SERINC2: variants seen among roughly 807,000 people sequenced by gnomAD.
The protein encoded by SERINC2 is serine incorporator 2, also known as tumor differentially expressed protein 2.
A neutral mutation model predicts 54.2 loss-of-function variants in SERINC2; 56 were observed. The ratio of observed to expected loss-of-function variants is 1.03; its 90% CI spans 0.83 to 1.29. The LOEUF (loss-of-function observed/expected upper bound fraction) is 1.29. Ranked by LOEUF, SERINC2 falls within the 50% of genes most tolerant of loss-of-function variation. The probability of loss-of-function intolerance (pLI) is 0.00; values close to 1 mark genes in which losing one functional copy is unlikely to be tolerated. For synonymous variants in SERINC2, 272 were observed against 253.1 expected, an observed-to-expected ratio of 1.07 and a Z score of -0.71; for missense variants, 614 against 607.4, an observed-to-expected ratio of 1.01 and a Z score of -0.12.
rs782003988 is a variant in SERINC2 at position 31,429,073 on chromosome 1, G to A, written c.871+5G>A. ...CAGCCCTATCCAGTATCCCTGGTAA[G>A]TATGGGCCCAGGCTCAAGGAGGCCT... On this transcript the variant is annotated splice_donor_5th_base_variant and intron_variant, in intron 7 of 9. Transcript: ENST00000373709. 1 of 1,612,172 alleles carries A rather than the reference G, an allele frequency of 6.2e-7. No individual in the cohort carries two copies. Among genetic ancestry groups the A allele is most frequent in the South Asian group, 1.1e-5 (1 of 91,056 alleles).
At chr1:31,431,364 C>A (rs1397896226) in intron 8 of SERINC2, among the ~76,000 whole-genome samples, 1 of 150,916 alleles carries the variant, frequency 6.6e-6, no homozygotes, top group African/African-American at 2.4e-5. Context: ...CTGGCCCAAG[C>A]AATCCTCCTA....
intron 1 of SERINC2, 46 bp from the exon 2 acceptor site, chr1:31,423,647 T>C (rs972684881): frequency 1.8e-5 from 28 of 1,587,882 alleles, no homozygotes; most frequent in Non-Finnish European, 1.8e-5. Flanking sequence ...AGGTGCGCGC[T>C]TGGGCGGTGA....
At chr1:31,412,543 C>G (rs1156562430), upstream of SERINC2, among the ~76,000 whole-genome samples, 1 of 152,088 alleles carries the variant, frequency 6.6e-6, no homozygotes, top group Non-Finnish European at 1.5e-5. Flanking sequence ...GTGGCATGCA[C>G]CTGTAGTCCC....
chr1:31,432,115 G>T (rs200799455), intron 8 of SERINC2, among the ~76,000 whole-genome samples: 1 of 108,838 alleles, frequency 9.2e-6, no homozygotes, highest in Admixed American at 8.7e-5. Context: ...GGTGGATAGG[G>T]TGGTTAGGGT....
At position 31,423,709 on chromosome 1, in the gene SERINC2, G is replaced by T. The variant is rs1553133020; in HGVS notation, c.56G>T (p.Gly19Val). Reference sequence around the variant, plus strand: ...CTCCCGCAGGCGTCCTGCCTCTGCGGCTCTGCCCCCTGCATCCTGTGCAGC... The same window carrying T: ...CTCCCGCAGGCGTCCTGCCTCTGCGTCTCTGCCCCCTGCATCCTGTGCAGC... The part of the protein sequence containing the change: ...SLLSCASCLC[G>V]SAPCILCSCC... Residue 19 changes from glycine (G) to valine (V), a missense_variant, in exon 2 of 10, where the codon GGC (glycine) becomes GTC (valine). Coordinates refer to ENST00000373709, the MANE Select transcript of SERINC2 (RefSeq NM_178865.5). The T allele has an allele frequency of 1.2e-6, 2 of 1,609,972 alleles. No homozygotes were observed. The highest frequency in any genetic ancestry group is 8.5e-7 in the Non-Finnish European group (1 of 1,179,894).
chr1:31,425,321 C>T lies in SERINC2; in HGVS notation c.393-9C>T. 1.9e-6 allele frequency: 3 copies of T among 1,606,608 alleles called. No homozygotes were observed. Among genetic ancestry groups the T allele is most frequent in the Non-Finnish European group, 2.6e-6 (3 of 1,172,950 alleles). ...AGCTTCCTTGTCCATTCCCCGACCC[C>T]TTCTGTAGGTTTTGGTTCTTTAAGT... is the stretch of plus-strand genomic sequence containing the variant. On this transcript the variant is annotated splice_polypyrimidine_tract_variant and intron_variant, in intron 3 of 9. Coordinates refer to ENST00000373709, the MANE Select transcript of SERINC2 (RefSeq NM_178865.5).
intron 8 of SERINC2, among the ~76,000 whole-genome samples, chr1:31,430,510 AG>A (rs1426729132): frequency 6.6e-6 from 1 of 151,772 alleles, no homozygotes; most frequent in Non-Finnish European, 1.5e-5. Flanking sequence ...AAAAAAAAAA[AG>A]GTTTTGTAAT....
chr1:31,425,899 G>A lies in SERINC2; in HGVS notation c.596G>A (p.Arg199His), dbSNP rs374319929. ...WLGKAEECDS[R>H]AWYAGLFFFT... is the part of the protein sequence containing the mutation. ...GGCAAGGCCGAGGAGTGCGATTCCC[G>A]TGCCTGGTACGCAGGTCAGTGCTGC... The change falls in exon 5 of 10, where the codon CGT (arginine) becomes CAT (histidine). Residue 199 changes from arginine (R) to histidine (H), a missense_variant. Coordinates refer to ENST00000373709, the MANE Select transcript of SERINC2 (RefSeq NM_178865.5). The A allele has an allele frequency of 7.4e-5, 119 of 1,611,934 alleles. No homozygotes were observed. The highest frequency in any genetic ancestry group is 9.2e-5 in the Non-Finnish European group (109 of 1,179,768).
At chr1:31,429,135 GC>G in intron 7 of SERINC2, 67 bp downstream of exon 7, 1 of 1,410,496 alleles carries the variant, frequency 7.1e-7, no homozygotes, top group Non-Finnish European at 1.0e-6. Flanking sequence ...CTACTGTGGG[GC>G]TGGGGACCCT....
chr1:31,432,098 TGGAC>T lies in SERINC2; in HGVS notation c.1014-868_1014-865del, dbSNP rs1557501219. Among the ~76,000 whole-genome samples the T allele has an allele frequency of 1.1e-3, 147 of 128,372 alleles. 8 individuals carry two copies. The highest frequency in any genetic ancestry group is 1.3e-3 in the Non-Finnish European group (81 of 61,612). 84.2% of individuals were successfully genotyped at this position (128,372 alleles called of 152,430 possible). On this transcript the variant is annotated intron_variant, in intron 8 of 9. Transcript: ENST00000373709. ...GACAGGGTGGTTAGGGTGGACAGGG[TGGAC>T]AGGGTGGATAGGGTGGTTAGGGTGG...
rs146608840 is a variant in SERINC2, at chr1:31,434,085, G to A, written c.1254G>A (p.Met418Ile). Residue 418 changes from methionine to isoleucine, a missense_variant, in exon 10 of 10, where the codon ATG becomes ATA. Physicochemically the swap from Met to Ile is conservative, Grantham distance 10. Transcript: ENST00000373709. ...CCAGGCCCGGTGAGACCCGGAAGAT[G>A]ATCAGCACGTGGACCGCCGTGTGGG... Reference protein sequence around the residue: ...NWYKPGETRKMISTWTAVWVK... With the variant: ...NWYKPGETRKIISTWTAVWVK... The A allele has an allele frequency of 8.1e-6, 13 of 1,613,882 alleles. No individual in the cohort carries two copies. Among genetic ancestry groups the A allele is most frequent in the Non-Finnish European group, 1.0e-5 (12 of 1,179,964 alleles).
intron 9 of SERINC2, 53 bp from the exon 10 acceptor site, chr1:31,434,011 A>G (rs1641395170): frequency 6.3e-7 from 1 of 1,594,158 alleles, no homozygotes; most frequent in Non-Finnish European, 8.6e-7. Context: ...AGGGGCCAAG[A>G]TGGAAGTCAC....
chr1:31,410,086 G>A, upstream of SERINC2: 1 of 1,206,538 alleles, frequency 8.3e-7, no homozygotes, highest in Non-Finnish European at 1.1e-6. Flanking sequence ...TTTATTTCAA[G>A]GGACATGGTT....
At position 31,432,120 on chromosome 1, in the gene SERINC2, T is replaced by TGGAC. The variant is rs1557501414; in HGVS notation, c.1014-847_1014-846insGGAC. Among the ~76,000 whole-genome samples, 6 of 13,224 alleles carry TGGAC rather than the reference T, an allele frequency of 4.5e-4. 1 individual carries two copies. Among genetic ancestry groups the TGGAC allele is most frequent in the Admixed American group, 8.1e-4 (1 of 1,232 alleles). The allele number at this position is 13,224 out of a possible 152,430, so 8.7% of individuals were successfully genotyped here. ...GGGTGGACAGGGTGGATAGGGTGGT[T>TGGAC]AGGGTGGATAGGGTGGACAGGGTGG... On this transcript the variant is annotated intron_variant, in intron 8 of 9. Coordinates refer to ENST00000373709, the MANE Select transcript of SERINC2 (RefSeq NM_178865.5).
chr1:31,434,420 A>T lies in SERINC2; in HGVS notation c.*221A>T, dbSNP rs910453562. ...AGCCCCATCCCCCCGCCACACCCAC[A>T]CGGTGGAGCTGCCTCTTCCTTCCCC... On this transcript the variant is annotated 3_prime_UTR_variant, in exon 10 of 10. Coordinates refer to ENST00000373709, the MANE Select transcript of SERINC2 (RefSeq NM_178865.5). 5.3e-6 allele frequency: 3 copies of T among 569,012 alleles called. No individual in the cohort carries two copies. The highest frequency in any genetic ancestry group is 9.4e-6 in the Non-Finnish European group (3 of 320,674). The allele number at this position is 569,012 out of a possible 1,614,324, so 35.2% of individuals were successfully genotyped here. A position where few individuals can be genotyped will look rare whatever the true frequency, so the allele number is the denominator to read the frequency against.
At chr1:31,417,619 C>T (rs1206924918) in intron 1 of SERINC2, among the ~76,000 whole-genome samples, 1 of 152,066 alleles carries the variant, frequency 6.6e-6, no homozygotes, top group Admixed American at 6.6e-5. Flanking sequence ...GTTATGCAAC[C>T]ATCACCACCA....
At position 31,426,636 on chromosome 1, in the gene SERINC2, A is replaced by G. The variant is rs1167026328; in HGVS notation, c.611-18A>G. On this transcript the variant is annotated intron_variant, in intron 5 of 9. Coordinates refer to ENST00000373709, the MANE Select transcript of SERINC2 (RefSeq NM_178865.5). Reference sequence around the variant, plus strand: ...TGCCCCACCCACTGCCTACCCTCTCACTACCCCTCTGGCCCAGGCCTCTTC... The same window carrying G: ...TGCCCCACCCACTGCCTACCCTCTCGCTACCCCTCTGGCCCAGGCCTCTTC... 1 of 1,590,296 alleles carries G rather than the reference A, an allele frequency of 6.3e-7. No homozygotes were observed. The highest frequency in any genetic ancestry group is 8.6e-7 in the Non-Finnish European group (1 of 1,162,626).
Position 31,434,254 on chromosome 1 carries a change from CA to C in SERINC2, c.*56del. On this transcript the variant is annotated 3_prime_UTR_variant, in exon 10 of 10. Transcript: ENST00000373709. Reference sequence around the variant, plus strand: ...TCCTGCCACCTGGTGCCTCTCGGCTCAGTGACAGCCAACCTGCCCCCTCCCC... The same window carrying C: ...TCCTGCCACCTGGTGCCTCTCGGCTCGTGACAGCCAACCTGCCCCCTCCCC... 3 of 1,571,988 alleles carry C rather than the reference CA, an allele frequency of 1.9e-6. No individual in the cohort carries two copies. The highest frequency in any genetic ancestry group is 2.6e-6 in the Non-Finnish European group (3 of 1,157,550).
At chr1:31,432,826 G>C (rs1553134931) in intron 8 of SERINC2, 141 bp from the exon 9 acceptor site, 3 of 637,794 alleles carry the variant, frequency 4.7e-6, no homozygotes, top group Non-Finnish European at 8.3e-6. Flanking sequence ...GGTAGGGGTA[G>C]AGTTGAGAGG....
Sources: gnomAD v4.1 joint callset for allele counts (sites outside exome capture counted in the v4.1 genomes callset) on GRCh38, gnomAD v4.1.1 for gene constraint, MANE v1.5 for transcripts, NCBI Gene and HGNC (gene_info 2026-07-23, HGNC 2026-07-21) for gene names.